The following DNAH8 variants were observed in gnomAD, a reference collection of about 807,000 sequenced individuals.
DNAH8 encodes dynein axonemal heavy chain 8, also known as axonemal beta dynein heavy chain 8.
Under a neutral mutation model 562.1 loss-of-function variants are expected in DNAH8, and 382 were observed. The observed-to-expected ratio is 0.68, with a 90% CI of 0.63 to 0.74. The LOEUF (loss-of-function observed/expected upper bound fraction) is 0.74, where lower values mean the gene tolerates loss of function less well. Ranked by LOEUF, DNAH8 falls within the 30% of genes least tolerant of loss-of-function variation. DNAH8 has a pLI of 0.00. For synonymous variants in DNAH8, 1,881 were observed against 1,919.4 expected (o/e 0.98, Z 0.52); for missense variants, 5,203 against 5,620.4 (o/e 0.93, Z 2.37).
At chr6:38,837,263 C>T (rs1239156196) in intron 32 of DNAH8, among the ~76,000 whole-genome samples, 1 of 152,136 alleles carries the variant, frequency 6.6e-6, no homozygotes, top group Non-Finnish European at 1.5e-5. Context: ...GCTGGATATT[C>T]TCCAGGGCTG....
intron 60 of DNAH8, 97 bp downstream of exon 60, chr6:38,896,322 C>G (rs1442926980): frequency 9.6e-7 from 1 of 1,040,210 alleles, no homozygotes; most frequent in East Asian, 2.5e-5. Flanking sequence ...TGCTATAATT[C>G]CAGCACTTTG....
intron 58 of DNAH8, among the ~76,000 whole-genome samples, chr6:38,892,305 C>A (rs912477585): frequency 2.0e-5 from 3 of 152,122 alleles, no homozygotes; most frequent in Non-Finnish European, 4.4e-5. Flanking sequence ...GGCTCCAGGC[C>A]GATTGCTAAC....
At chr6:38,957,356 G>T (rs1762313964) in intron 82 of DNAH8, among the ~76,000 whole-genome samples, 1 of 150,080 alleles carries the variant, frequency 6.7e-6, no homozygotes, top group African/African-American at 2.4e-5. Context: ...AGACCTAAAA[G>T]GATAGACTGC....
chr6:38,788,063 A>G (rs1236377985), intron 18 of DNAH8, among the ~76,000 whole-genome samples: 1 of 152,196 alleles, frequency 6.6e-6, no homozygotes, highest in African/African-American at 2.4e-5. Context: ...GGAACAGCTG[A>G]TTATTCAATG....
Position 39,012,121 on chromosome 6 carries a change from T to C in DNAH8, c.13372-94T>C. ...TCATTTGGGCTGGTAGAGATACATC[T>C]AGAGGAAGAAAAAGAATTGAGAAAG... On this transcript the variant is annotated intron_variant, in intron 89 of 92. Transcript: ENST00000327475. The C allele has an allele frequency of 3.3e-6, 3 of 917,768 alleles. 1 individual carries two copies. The highest frequency in any genetic ancestry group is 3.5e-5 in the South Asian group (2 of 56,834). The allele number at this position is 917,768 out of a possible 1,614,324, so 56.9% of individuals were successfully genotyped here. A position where few individuals can be genotyped will look rare whatever the true frequency, so the allele number is the denominator to read the frequency against.
Position 38,924,767 on chromosome 6 carries a change from T to A in DNAH8, c.10962+605T>A, listed in dbSNP as rs1388580557. ...ACCACTCCTGTGAAGTCATACTCTC[T>A]TTCAAACATTTTAGGCAAATGTAGG... On this transcript the variant is annotated intron_variant, in intron 73 of 92. Coordinates refer to ENST00000327475, the MANE Select transcript of DNAH8 (RefSeq NM_001206927.2). The A allele has an allele frequency of 2.0e-5, 3 of 152,360 alleles. No homozygotes were observed. The East Asian group carries it at 5.8e-4, about 29-fold the overall frequency. The allele number at this position is 152,360 out of a possible 1,614,324, so 9.4% of individuals were successfully genotyped here. A position where few individuals can be genotyped will look rare whatever the true frequency, so the allele number is the denominator to read the frequency against.
intron 23 of DNAH8, among the ~76,000 whole-genome samples, chr6:38,806,097 G>T (rs1738231): frequency 0.42 from 64,264 of 151,850 alleles, 14,556 homozygotes; most frequent in East Asian, 0.81. Flanking sequence ...GAGAATGAAG[G>T]TTCAGAAGGG....
chr6:38,825,454 C>G (rs1773228334), intron 28 of DNAH8, among the ~76,000 whole-genome samples: 1 of 152,120 alleles, frequency 6.6e-6, no homozygotes. Context: ...AGGTTTATCC[C>G]AGAATCCAGG....
intron 19 of DNAH8, 33 bp downstream of exon 19, chr6:38,789,916 C>A (rs200466946): frequency 1.3e-6 from 2 of 1,510,008 alleles, no homozygotes; most frequent in East Asian, 4.5e-5. Flanking sequence ...ATTGATTTTC[C>A]TGTTATTTAA....
intron 62 of DNAH8, among the ~76,000 whole-genome samples, chr6:38,900,297 T>C (rs1167500795): frequency 6.6e-6 from 1 of 152,264 alleles, no homozygotes; most frequent in Non-Finnish European, 1.5e-5. Flanking sequence ...TCCATGATGC[T>C]ACATGTAGCA....
intron 91 of DNAH8, among the ~76,000 whole-genome samples, chr6:39,014,321 C>T (rs1766424131): frequency 6.6e-6 from 1 of 152,138 alleles, no homozygotes; most frequent in Non-Finnish European, 1.5e-5. Context: ...TGTGTGTCTA[C>T]TTATGAGTCT....
intron 82 of DNAH8, among the ~76,000 whole-genome samples, chr6:38,961,381 G>A (rs1762594535): frequency 1.3e-5 from 2 of 151,936 alleles, no homozygotes; most frequent in African/African-American, 4.8e-5. Context: ...ATGTATACAT[G>A]TATTGAAACA....
rs1583125297 is a variant in DNAH8, at chr6:38,830,405, T to C, written c.4189-1917T>C. 5.9e-5 allele frequency among the ~76,000 whole-genome samples: 9 copies of C among 151,398 alleles called. No homozygotes were observed. In the South Asian group the frequency reaches 1.9e-3, roughly 32 times the overall value. Reference sequence around the variant, plus strand: ...ATCCCAGCACTTTGGGAGGCTGAGGTGGGTGGATCACAAGTTCAGGAGGTC... The same window carrying C: ...ATCCCAGCACTTTGGGAGGCTGAGGCGGGTGGATCACAAGTTCAGGAGGTC... On this transcript the variant is annotated intron_variant, in intron 30 of 92. Coordinates refer to ENST00000327475, the MANE Select transcript of DNAH8 (RefSeq NM_001206927.2).
chr6:38,785,150 AAAAC>A (rs1769023057), intron 17 of DNAH8, among the ~76,000 whole-genome samples: 2 of 152,246 alleles, frequency 1.3e-5, no homozygotes, highest in South Asian at 2.1e-4. Context: ...TTTCACAAGT[AAAAC>A]AAACAGTCAG....
chr6:38,867,210 T>C (rs1465111221), intron 47 of DNAH8, among the ~76,000 whole-genome samples: 1 of 147,290 alleles, frequency 6.8e-6, no homozygotes, highest in South Asian at 2.2e-4. Context: ...TCATCAGTTA[T>C]ACATGCACTG....
Position 38,845,575 on chromosome 6 carries a change from A to T in DNAH8, c.4847A>T (p.Asp1616Val), listed in dbSNP as rs943252271. 1.2e-6 allele frequency: 2 copies of T among 1,612,904 alleles called. No homozygotes were observed. The highest frequency in any genetic ancestry group is 8.5e-7 in the Non-Finnish European group (1 of 1,178,952). ...PLLKHKDDIE[D>V]ICISAIKEKD... is the part of the protein sequence containing the mutation. ...ATATACTTTGCTTTTCCTTCAAAGG[A>T]TATTTGCATATCTGCCATTAAGGAG... The change falls in exon 36 of 93, where the codon GAT becomes GTT. Residue 1616 changes from aspartate (D) to valine (V), a missense_variant and splice_region_variant. Coordinates refer to ENST00000327475, the MANE Select transcript of DNAH8 (RefSeq NM_001206927.2).
chr6:38,866,821 T>C lies in DNAH8; in HGVS notation c.6638T>C (p.Leu2213Ser), dbSNP rs1188881523. Reference protein sequence around the residue: ...ASCGFLENVILAQKFYVLYKL... With the variant: ...ASCGFLENVISAQKFYVLYKL... ...TGTGGTTTTCTTGAAAATGTTATCT[T>C]GGCTCAAAAATTTTACGTTCTTTAC... is the stretch of plus-strand genomic sequence containing the variant. Residue 2213 changes from leucine (L) to serine (S), a missense_variant, in exon 47 of 93, where the codon TTG (leucine) becomes TCG (serine). Physicochemically the swap from Leu to Ser is moderately radical, Grantham distance 145. Coordinates refer to ENST00000327475, the MANE Select transcript of DNAH8 (RefSeq NM_001206927.2). 6.2e-7 allele frequency: 1 copy of C among 1,613,488 alleles called. No homozygotes were observed. The highest frequency in any genetic ancestry group is 2.2e-5 in the East Asian group (1 of 44,786).
chr6:38,768,206 A>T (rs186866204), intron 11 of DNAH8, among the ~76,000 whole-genome samples: 3 of 151,942 alleles, frequency 2.0e-5, no homozygotes, highest in African/African-American at 7.2e-5. Flanking sequence ...TATATTCTGG[A>T]TATTAATTCC....
At chr6:38,816,810 T>A (rs1449994214) in intron 26 of DNAH8, among the ~76,000 whole-genome samples, 1 of 152,234 alleles carries the variant, frequency 6.6e-6, no homozygotes, top group Admixed American at 6.5e-5. Flanking sequence ...TCACTGTGGT[T>A]TTGATTTGCA....
Sources: allele counts gnomAD v4.1 joint callset (sites outside exome capture counted in the v4.1 genomes callset), GRCh38; gene constraint gnomAD v4.1.1; transcripts MANE v1.5; gene names NCBI Gene and HGNC (gene_info 2026-07-23, HGNC 2026-07-21).